Variants in DCC observed in about 807,000 individuals in gnomAD.
The protein encoded by DCC is DCC netrin 1 receptor.
In DCC, 58 loss-of-function variants were observed where a neutral mutation model predicts 172.5. The observed-to-expected ratio is 0.34, with a 90% CI of 0.27 to 0.42. DCC has a LOEUF of 0.42. DCC is among the 10% of genes least tolerant of loss of function. DCC has a pLI of 1.00. For synonymous variants in DCC, 709 were observed against 644.5 expected, an observed-to-expected ratio of 1.10 and a Z score of -1.52; for missense variants, 1,740 against 1,791.0, an observed-to-expected ratio of 0.97 and a Z score of 0.51.
At chr18:53,448,059 T>TC (rs964567158) in intron 22 of DCC, among the ~76,000 whole-genome samples, 1 of 150,888 alleles carries the variant, frequency 6.6e-6, no homozygotes, top group East Asian at 1.9e-4. Flanking sequence ...TTTTTTTTTT[T>TC]TTTTTTTTTT....
chr18:53,456,429 A>G (rs967805676), intron 23 of DCC, among the ~76,000 whole-genome samples: 2 of 152,234 alleles, frequency 1.3e-5, no homozygotes, highest in Non-Finnish European at 2.9e-5. Flanking sequence ...TTTTAGAAGC[A>G]GAAGGATGAC....
Position 52,610,076 on chromosome 18 carries a change from T to A in DCC, c.92-141978T>A, listed in dbSNP as rs978646586. On this transcript the variant is annotated intron_variant, in intron 1 of 28. Coordinates refer to ENST00000442544, the MANE Select transcript of DCC (RefSeq NM_005215.4). ...CACCTGTAATCCCAACATTTTGGGATGCTGAGGCGGGTGGATCGCCTGAGA... is the reference window on the plus strand; with the variant it reads ...CACCTGTAATCCCAACATTTTGGGAAGCTGAGGCGGGTGGATCGCCTGAGA... Among the ~76,000 whole-genome samples the A allele has an allele frequency of 3.5e-5, 5 of 143,936 alleles. No individual in the cohort carries two copies. In the Admixed American group the frequency reaches 3.5e-4, roughly 10 times the overall value. 94.4% of individuals were successfully genotyped at this position (143,936 alleles called of 152,430 possible). A position where few individuals can be genotyped will look rare whatever the true frequency, so the allele number is the denominator to read the frequency against.
chr18:52,538,967 G>A lies in DCC; in HGVS notation c.91+198089G>A, dbSNP rs114492982. On this transcript the variant is annotated intron_variant, in intron 1 of 28. Transcript: ENST00000442544. ...CCTCGGTACTGAGGTTGGTTAGCTG[G>A]TCTGAGGCTGATAGACATGTGAGTA... 3.2e-3 allele frequency among the ~76,000 whole-genome samples: 491 copies of A among 152,302 alleles called. 3 individuals carry two copies. The highest frequency in any genetic ancestry group is 0.011 in the African/African-American group (473 of 41,570).
intron 19 of DCC, among the ~76,000 whole-genome samples, chr18:53,405,283 T>A (rs1909590276): frequency 6.6e-6 from 1 of 152,094 alleles, no homozygotes; most frequent in South Asian, 2.1e-4. Context: ...TCTGTATTGT[T>A]TTGTTTTCCT....
chr18:52,411,766 G>T (rs1340106080), intron 1 of DCC, among the ~76,000 whole-genome samples: 1 of 152,102 alleles, frequency 6.6e-6, no homozygotes, highest in Non-Finnish European at 1.5e-5. Context: ...GCCAAACGGA[G>T]ATAAGATCCT....
intron 12 of DCC, among the ~76,000 whole-genome samples, chr18:53,222,383 C>CTTTTTTTTTTTTTTTTTTTTTTTTTT (rs67373546): frequency 1.9e-5 from 2 of 104,214 alleles, no homozygotes; most frequent in Non-Finnish European, 3.5e-5. Flanking sequence ...TTTCTTTTTT[C>CTTTTTTTTTTTTTTTTTTTTTTTTTT]TTTTTTTTTT....
At chr18:52,854,260 G>T (rs1361898627) in intron 2 of DCC, among the ~76,000 whole-genome samples, 2 of 151,992 alleles carry the variant, frequency 1.3e-5, no homozygotes, top group African/African-American at 2.4e-5. Context: ...TTTATTCAAG[G>T]CCCATTTATT....
intron 1 of DCC, among the ~76,000 whole-genome samples, chr18:52,726,419 T>C (rs1259325906): frequency 6.6e-6 from 1 of 152,162 alleles, no homozygotes; most frequent in Non-Finnish European, 1.5e-5. Context: ...TTTAATTGAT[T>C]TCACTATTTG....
At chr18:53,007,811 T>C (rs528956302) in intron 5 of DCC, among the ~76,000 whole-genome samples, 1 of 152,196 alleles carries the variant, frequency 6.6e-6, no homozygotes, top group East Asian at 1.9e-4. Flanking sequence ...TAAAATATAG[T>C]AGCAAATGAT....
intron 15 of DCC, among the ~76,000 whole-genome samples, chr18:53,378,624 C>T (rs1216393953): frequency 6.6e-6 from 1 of 152,202 alleles, no homozygotes; most frequent in Non-Finnish European, 1.5e-5. Flanking sequence ...TTCTGTGTCT[C>T]ATACATTCAG....
intron 21 of DCC, 186 bp downstream of exon 21, chr18:53,416,342 G>A (rs188766148): frequency 4.7e-5 from 33 of 700,394 alleles, no homozygotes; most frequent in African/African-American, 3.7e-4. Context: ...TAAGGAAGAT[G>A]TAAATTTTCT....
chr18:53,295,794 T>C (rs1320693439), intron 12 of DCC, among the ~76,000 whole-genome samples: 3 of 152,210 alleles, frequency 2.0e-5, no homozygotes, highest in African/African-American at 7.2e-5. Context: ...TCCATGTAAA[T>C]GCATTATTAT....
intron 15 of DCC, among the ~76,000 whole-genome samples, chr18:53,370,287 G>A (rs961669747): frequency 9.9e-5 from 15 of 151,652 alleles, no homozygotes; most frequent in African/African-American, 3.6e-4. Context: ...CTTTAAATCA[G>A]GAATGGTATC....
At position 53,246,488 on chromosome 18, in the gene DCC, T is replaced by C. The variant is rs1366757251; in HGVS notation, c.1911+30891T>C. Among the ~76,000 whole-genome samples, 4 of 151,970 alleles carry C rather than the reference T, an allele frequency of 2.6e-5. No individual in the cohort carries two copies. The South Asian group carries it at 6.2e-4, about 24-fold the overall frequency. On this transcript the variant is annotated intron_variant, in intron 12 of 28. Transcript: ENST00000442544. ...TGATAAATATCTCAGCTCATATTTC[T>C]TTATTTTATCTGGACTAATGCAGTC...
intron 1 of DCC, among the ~76,000 whole-genome samples, chr18:52,440,777 G>T (rs951073038): frequency 6.6e-6 from 1 of 152,184 alleles, no homozygotes; most frequent in African/African-American, 2.4e-5. Context: ...TTCATGTGCA[G>T]ATTTGTGCCA....
At position 53,428,006 on chromosome 18, in the gene DCC, TATA is replaced by T. The variant is rs1438921925; in HGVS notation, c.3164-7134_3164-7132del. Among the ~76,000 whole-genome samples, 49 of 78,750 alleles carry T rather than the reference TATA, an allele frequency of 6.2e-4. 1 individual carries two copies. The highest frequency in any genetic ancestry group is 2.2e-3 in the African/African-American group (48 of 22,092). 51.7% of individuals were successfully genotyped at this position (78,750 alleles called of 152,430 possible). On this transcript the variant is annotated intron_variant, in intron 21 of 28. Coordinates refer to ENST00000442544, the MANE Select transcript of DCC (RefSeq NM_005215.4). The stretch of plus-strand genomic sequence containing the variant: ...TATAATATATTATAATAATATATAA[TATA>T]ATACTATAATAATATAGAATATATC...
At chr18:53,116,993 A>G (rs560113327) in intron 7 of DCC, among the ~76,000 whole-genome samples, 28 of 151,864 alleles carry the variant, frequency 1.8e-4, no homozygotes, top group Middle Eastern at 3.4e-3. Flanking sequence ...TCAAATAACC[A>G]AATTCACATT....
intron 9 of DCC, among the ~76,000 whole-genome samples, chr18:53,197,616 C>T (rs901821579): frequency 7.2e-5 from 11 of 151,998 alleles, no homozygotes; most frequent in African/African-American, 2.4e-4. Context: ...GAGACATCAG[C>T]CTCGTTCAGT....
intron 2 of DCC, among the ~76,000 whole-genome samples, chr18:52,894,467 A>C (rs1357335829): frequency 1.3e-5 from 2 of 149,870 alleles, no homozygotes; most frequent in Admixed American, 1.3e-4. Flanking sequence ...TTATATATTA[A>C]TATATGTTTA....
Sources: allele counts gnomAD v4.1 joint callset (sites outside exome capture counted in the v4.1 genomes callset), GRCh38; gene constraint gnomAD v4.1.1; transcripts MANE v1.5; gene names NCBI Gene and HGNC (gene_info 2026-07-23, HGNC 2026-07-21).